Variants in NRG1 observed in about 807,000 individuals in gnomAD.
NRG1 encodes pro-neuregulin-1, membrane-bound isoform.
In NRG1, 18 loss-of-function variants were observed where a neutral mutation model predicts 63.8. That is an observed-to-expected ratio of 0.28 (90% CI 0.19 to 0.42). NRG1 has a LOEUF of 0.42. Ranked by LOEUF, NRG1 falls within the 10% of genes least tolerant of loss-of-function variation. NRG1 has a pLI of 1.00. For missense variants in NRG1, 762 were observed against 814.7 expected, an observed-to-expected ratio of 0.94 and a Z score of 0.79; for synonymous variants, 302 against 301.3, an observed-to-expected ratio of 1.00 and a Z score of -0.02.
At chr8:31,943,670 T>A (rs1802108376) in intron 1 of NRG1, among the ~76,000 whole-genome samples, 1 of 152,196 alleles carries the variant, frequency 6.6e-6, no homozygotes, top group Non-Finnish European at 1.5e-5. Context: ...ACAGGTTACC[T>A]TGTTCACCCT....
chr8:32,641,277 G>T (rs1000386420), intron 5 of NRG1, among the ~76,000 whole-genome samples: 5 of 151,904 alleles, frequency 3.3e-5, no homozygotes, highest in Non-Finnish European at 5.9e-5. Context: ...AAGGGTAGCC[G>T]ACACATAACA....
intron 4 of NRG1, among the ~76,000 whole-genome samples, chr8:32,616,466 C>G (rs1332498863): frequency 6.6e-6 from 1 of 152,106 alleles, no homozygotes; most frequent in African/African-American, 2.4e-5. Flanking sequence ...AGGGGCTATT[C>G]TCTTTGGTTT....
chr8:32,717,703 G>T (rs1254609179), intron 5 of NRG1, among the ~76,000 whole-genome samples: 1 of 152,114 alleles, frequency 6.6e-6, no homozygotes, highest in Non-Finnish European at 1.5e-5. Flanking sequence ...GCAGTGATTT[G>T]GCTAAATGGT....
At chr8:32,153,223 C>A (rs556765896) in intron 1 of NRG1, among the ~76,000 whole-genome samples, 16 of 152,244 alleles carry the variant, frequency 1.1e-4, no homozygotes, top group African/African-American at 3.6e-4. Context: ...CAGGGGCGAG[C>A]TTCCAGCTGG....
intron 1 of NRG1, among the ~76,000 whole-genome samples, chr8:31,973,207 T>C (rs896892834): frequency 1.3e-5 from 2 of 152,166 alleles, no homozygotes; most frequent in Non-Finnish European, 2.9e-5. Flanking sequence ...CATCATATAC[T>C]TATAAACACA....
intron 1 of NRG1, among the ~76,000 whole-genome samples, chr8:32,005,198 G>A (rs1024325929): frequency 1.3e-5 from 2 of 151,892 alleles, no homozygotes; most frequent in African/African-American, 4.8e-5. Flanking sequence ...TGATGAGAAG[G>A]ATGGGTAGCT....
chr8:31,756,279 T>C (rs1440811262), intron 1 of NRG1, among the ~76,000 whole-genome samples: 1 of 152,166 alleles, frequency 6.6e-6, no homozygotes, highest in African/African-American at 2.4e-5. Context: ...CATAACATCC[T>C]ATCTGTTATT....
chr8:32,595,376 A>G (rs1843172648), intron 1 of NRG1, among the ~76,000 whole-genome samples: 1 of 151,798 alleles, frequency 6.6e-6, no homozygotes, highest in African/African-American at 2.4e-5. Context: ...TTTCATAGAG[A>G]TGGAGTTTCA....
intron 1 of NRG1, among the ~76,000 whole-genome samples, chr8:31,678,262 C>T (rs1473404181): frequency 6.6e-6 from 1 of 151,958 alleles, no homozygotes; most frequent in Admixed American, 6.6e-5. Context: ...ATTCTATGCC[C>T]CTTTATCCCC....
intron 1 of NRG1, among the ~76,000 whole-genome samples, chr8:31,757,084 G>C (rs1817043691): frequency 6.6e-6 from 1 of 152,144 alleles, no homozygotes; most frequent in African/African-American, 2.4e-5. Context: ...AAGAAAAGGA[G>C]TAAATAAAGC....
chr8:32,032,616 G>T (rs111513213), intron 1 of NRG1, among the ~76,000 whole-genome samples: 1 of 152,066 alleles, frequency 6.6e-6, no homozygotes, highest in East Asian at 1.9e-4. Flanking sequence ...GCCCACAATT[G>T]TATTGTTAGT....
intron 1 of NRG1, among the ~76,000 whole-genome samples, chr8:32,194,269 T>C (rs1842763887): frequency 6.6e-6 from 1 of 152,204 alleles, no homozygotes; most frequent in Non-Finnish European, 1.5e-5. Context: ...ATTAGGTAAG[T>C]GACCCTAGAA....
At chr8:31,724,529 A>G (rs971012398) in intron 1 of NRG1, among the ~76,000 whole-genome samples, 1 of 152,128 alleles carries the variant, frequency 6.6e-6, no homozygotes, top group Non-Finnish European at 1.5e-5. Flanking sequence ...TTGCTCCTTC[A>G]CAAACTAAAA....
In NRG1 at chr8:32,720,826, A is replaced by G. The variant is rs552344998; in HGVS notation, c.503-7123A>G. On this transcript the variant is annotated intron_variant, in intron 5 of 11. Transcript: ENST00000356819. ...TGAAAAAAACAGAAAAAAAACAGCA[A>G]CTTGTAGGTTTGAAAAATAACCTTT... Among the ~76,000 whole-genome samples the G allele has an allele frequency of 7.9e-5, 12 of 152,256 alleles. No homozygotes were observed. The South Asian group carries it at 2.5e-3, about 32-fold the overall frequency.
chr8:31,909,910 C>T lies in NRG1; in HGVS notation c.37+270479C>T, dbSNP rs77142012. On this transcript the variant is annotated intron_variant, in intron 1 of 10. Transcript: ENST00000519301. ...TAACGAACCTAATCCACTCTAGCCACTCTTCGTGATGTGAGGTCAAGAGGG... is the reference window on the plus strand; with the variant it reads ...TAACGAACCTAATCCACTCTAGCCATTCTTCGTGATGTGAGGTCAAGAGGG... Among the ~76,000 whole-genome samples the T allele has an allele frequency of 2.4e-3, 368 of 152,252 alleles. 1 individual carries two copies. The highest frequency in any genetic ancestry group is 8.6e-3 in the African/African-American group (356 of 41,558).
At chr8:32,511,367 G>GTATATATATATATATATATATATATA (rs202038797) in intron 1 of NRG1, among the ~76,000 whole-genome samples, 1 of 122,078 alleles carries the variant, frequency 8.2e-6, no homozygotes, top group African/African-American at 3.1e-5. Flanking sequence ...ATATATATGT[G>GTATATATATATATATATATATATATA]TATATATATA....
At chr8:32,687,894 A>T (rs1248074773) in intron 5 of NRG1, among the ~76,000 whole-genome samples, 1 of 152,182 alleles carries the variant, frequency 6.6e-6, no homozygotes, top group Non-Finnish European at 1.5e-5. Flanking sequence ...GCATTTTCAG[A>T]GGCCAAGGTG....
intron 1 of NRG1, among the ~76,000 whole-genome samples, chr8:31,996,810 G>T (rs1232029641): frequency 1.3e-5 from 2 of 152,040 alleles, no homozygotes; most frequent in East Asian, 3.9e-4. Flanking sequence ...GGGTTGGTTG[G>T]ATTGATTTGT....
At chr8:32,214,914 A>C (rs1845058634) in intron 1 of NRG1, among the ~76,000 whole-genome samples, 1 of 152,222 alleles carries the variant, frequency 6.6e-6, no homozygotes, top group Non-Finnish European at 1.5e-5. Context: ...TTATGAGTTT[A>C]GGGACATTTT....
Sources: gnomAD v4.1 joint callset for allele counts (sites outside exome capture counted in the v4.1 genomes callset) on GRCh38, gnomAD v4.1.1 for gene constraint, MANE v1.5 for transcripts, NCBI Gene and HGNC (gene_info 2026-07-23, HGNC 2026-07-21) for gene names.